APBB1IP: variants seen among roughly 807,000 people sequenced by gnomAD.
APBB1IP encodes amyloid beta A4 precursor protein-binding family B member 1-interacting protein.
A neutral mutation model predicts 64.9 loss-of-function variants in APBB1IP; 27 were observed. That is an observed-to-expected ratio of 0.42 (90% confidence interval 0.31 to 0.57). The LOEUF (loss-of-function observed/expected upper bound fraction) is 0.57, where lower values mean the gene tolerates loss of function less well. Ranked by LOEUF, APBB1IP falls within the 20% of genes least tolerant of loss-of-function variation. The pLI is 0.20. For synonymous variants in APBB1IP, 392 were observed against 331.0 expected (o/e 1.18, Z -2.00); for missense variants, 812 against 845.5 (o/e 0.96, Z 0.49).
chr10:26,524,208 A>G (rs983431756), intron 8 of APBB1IP, among the ~76,000 whole-genome samples: 1 of 151,856 alleles, frequency 6.6e-6, no homozygotes, highest in African/African-American at 2.4e-5. Flanking sequence ...TAGAAAGATC[A>G]CTCTCTGACC....
chr10:26,466,735 A>G (rs1051866749), intron 2 of APBB1IP, among the ~76,000 whole-genome samples: 43 of 152,166 alleles, frequency 2.8e-4, no homozygotes, highest in African/African-American at 1.0e-3. Context: ...CAGTGGGTGG[A>G]GCCCAGCTTG....
chr10:26,560,345 G>A, intron 12 of APBB1IP, 142 bp downstream of exon 12: 1 of 732,514 alleles, frequency 1.4e-6, no homozygotes, highest in Non-Finnish European at 2.3e-6. Context: ...CGCCCAGTGG[G>A]TTTTCTAAAT....
intron 4 of APBB1IP, 119 bp from the exon 5 acceptor site, chr10:26,500,700 C>A (rs1836085877): frequency 2.1e-6 from 2 of 966,290 alleles, no homozygotes; most frequent in Non-Finnish European, 3.0e-6. Flanking sequence ...CTTCTCATAT[C>A]ATAACCAATC....
intron 2 of APBB1IP, among the ~76,000 whole-genome samples, chr10:26,468,080 G>A (rs35950573): frequency 0.37 from 55,899 of 151,866 alleles, 10,346 homozygotes; most frequent in South Asian, 0.5. Flanking sequence ...AACTAAGGCC[G>A]TATTATGGCT....
At chr10:26,532,614 T>C (rs1310351642) in intron 8 of APBB1IP, among the ~76,000 whole-genome samples, 1 of 152,082 alleles carries the variant, frequency 6.6e-6, no homozygotes, top group Non-Finnish European at 1.5e-5. Flanking sequence ...CTCAAGTAGA[T>C]GAGACTACAA....
intron 11 of APBB1IP, among the ~76,000 whole-genome samples, chr10:26,547,687 C>T (rs1836783881): frequency 1.3e-5 from 2 of 152,104 alleles, no homozygotes; most frequent in Admixed American, 6.5e-5. Flanking sequence ...TCAGGTGATT[C>T]GCCTACCTCG....
At chr10:26,459,952 TG>T (rs1473282521) in intron 2 of APBB1IP, among the ~76,000 whole-genome samples, 2 of 152,210 alleles carry the variant, frequency 1.3e-5, no homozygotes, top group African/African-American at 4.8e-5. Context: ...GTCATAATTT[TG>T]TAAGCCAAAT....
intron 2 of APBB1IP, among the ~76,000 whole-genome samples, chr10:26,476,692 T>C (rs1384479108): frequency 6.6e-6 from 1 of 152,204 alleles, no homozygotes; most frequent in Non-Finnish European, 1.5e-5. Flanking sequence ...GTACAGTAAA[T>C]GTGATCATGC....
chr10:26,554,771 T>TG (rs1257930911), intron 11 of APBB1IP, among the ~76,000 whole-genome samples: 1 of 152,098 alleles, frequency 6.6e-6, no homozygotes, highest in Non-Finnish European at 1.5e-5. Flanking sequence ...TTTGCAGAGA[T>TG]GGGGTTTAGC....
chr10:26,465,227 A>G (rs113622983), intron 2 of APBB1IP, among the ~76,000 whole-genome samples: 3 of 152,212 alleles, frequency 2.0e-5, no homozygotes, highest in African/African-American at 7.2e-5. Context: ...TCAAAAAGAA[A>G]TTGAAGAAAT....
chr10:26,537,535 C>T (rs1588610306), intron 10 of APBB1IP, among the ~76,000 whole-genome samples: 1 of 152,156 alleles, frequency 6.6e-6, no homozygotes, highest in African/African-American at 2.4e-5. Context: ...AACTGACCCA[C>T]AAATAATTTG....
chr10:26,538,854 T>C (rs1836661817), intron 10 of APBB1IP, among the ~76,000 whole-genome samples: 1 of 152,046 alleles, frequency 6.6e-6, no homozygotes, highest in Non-Finnish European at 1.5e-5. Flanking sequence ...AACATCAAGG[T>C]AGATCTCCTG....
intron 2 of APBB1IP, among the ~76,000 whole-genome samples, chr10:26,474,259 G>T (rs917304161): frequency 1.3e-5 from 2 of 152,178 alleles, no homozygotes; most frequent in Non-Finnish European, 2.9e-5. Context: ...TGGAATTTGT[G>T]CTCTGCCTAG....
rs896903445 is a variant in APBB1IP at position 26,562,346 on chromosome 10, C to G, written c.1390C>G (p.Gln464Glu). Residue 464 changes from glutamine (Q) to glutamate (E), a missense_variant, in exon 14 of 15, where the codon CAG (glutamine) becomes GAG (glutamate). By Grantham distance (29) the Gln-to-Glu change is conservative. Transcript: ENST00000376236. Reference sequence around the variant, plus strand: ...CTCAGGACCTAAAACAGGCACCACCCAGCCCAATGGACAGATTCCCCAGGC... The same window carrying G: ...CTCAGGACCTAAAACAGGCACCACCGAGCCCAATGGACAGATTCCCCAGGC... ...PSTGPKTGTT[Q>E]PNGQIPQATH... 1 of 1,613,870 alleles carries G rather than the reference C, an allele frequency of 6.2e-7. No individual in the cohort carries two copies. The highest frequency in any genetic ancestry group is 8.5e-7 in the Non-Finnish European group (1 of 1,179,856).
At position 26,517,179 on chromosome 10, in the gene APBB1IP, A is replaced by G. The variant is rs76940383; in HGVS notation, c.813+3519A>G. 6.5e-3 allele frequency among the ~76,000 whole-genome samples: 988 copies of G among 152,304 alleles called. 18 individuals carry two copies. Among genetic ancestry groups the G allele is most frequent in the South Asian group, 0.055 (266 of 4,828 alleles). On this transcript the variant is annotated intron_variant, in intron 8 of 14. Transcript: ENST00000376236. Reference sequence around the variant, plus strand: ...GGGATGGCATGTCTTTCAGTCCTTCAGTGGGCATCTGCAGTTTGCCATGGT... The same window carrying G: ...GGGATGGCATGTCTTTCAGTCCTTCGGTGGGCATCTGCAGTTTGCCATGGT...
chr10:26,489,208 C>T (rs547019860), intron 2 of APBB1IP, among the ~76,000 whole-genome samples: 3 of 152,280 alleles, frequency 2.0e-5, no homozygotes, highest in Admixed American at 2.0e-4. Context: ...GGAATATGCT[C>T]AGTGACCTCT....
At chr10:26,531,037 CTT>C (rs1836546242) in intron 8 of APBB1IP, among the ~76,000 whole-genome samples, 1 of 152,128 alleles carries the variant, frequency 6.6e-6, no homozygotes, top group Non-Finnish European at 1.5e-5. Flanking sequence ...AAATAAACTT[CTT>C]TTCAATAAGA....
intron 3 of APBB1IP, among the ~76,000 whole-genome samples, chr10:26,494,639 A>G (rs1475119302): frequency 1.3e-5 from 2 of 152,276 alleles, no homozygotes; most frequent in South Asian, 2.1e-4. Flanking sequence ...ACGCTGGCCA[A>G]TATGGTGAAA....
intron 2 of APBB1IP, among the ~76,000 whole-genome samples, chr10:26,461,818 TC>T (rs1311443418): frequency 6.6e-6 from 1 of 152,236 alleles, no homozygotes; most frequent in African/African-American, 2.4e-5. Context: ...TCTATGTTTT[TC>T]GTAGTTTTTG....
Sources: gnomAD v4.1 joint callset for allele counts (sites outside exome capture counted in the v4.1 genomes callset) on GRCh38, gnomAD v4.1.1 for gene constraint, MANE v1.5 for transcripts, NCBI Gene and HGNC (gene_info 2026-07-23, HGNC 2026-07-21) for gene names.